ARFGEF3: variants seen among roughly 807,000 people sequenced by gnomAD.
The protein encoded by ARFGEF3 is ARFGEF family member 3.
ARFGEF3 carries 96 observed loss-of-function variants against 221.7 expected under a neutral mutation model. That is an observed-to-expected ratio of 0.43 (90% confidence interval 0.37 to 0.51). ARFGEF3 has a LOEUF of 0.51. Ranked by LOEUF, ARFGEF3 falls within the 20% of genes least tolerant of loss-of-function variation. The probability of loss-of-function intolerance (pLI) is 0.00; values close to 1 mark genes in which losing one functional copy is unlikely to be tolerated. For synonymous variants in ARFGEF3, 1,145 were observed against 1,126.8 expected, an observed-to-expected ratio of 1.02 and a Z score of -0.32; for missense variants, 2,410 against 2,789.9, an observed-to-expected ratio of 0.86 and a Z score of 3.07.
In ARFGEF3 at chr6:138,305,400, A is replaced by G. The variant is rs960011761; in HGVS notation, c.3829-1853A>G. ...AGGTTTGCTTGAGTCTAGGAGTTCG[A>G]GACCATGCCAGGCAACACAGTGAGA... is the stretch of plus-strand genomic sequence containing the variant. On this transcript the variant is annotated intron_variant, in intron 22 of 33. Transcript: ENST00000251691. Among the ~76,000 whole-genome samples the G allele has an allele frequency of 2.0e-5, 3 of 152,086 alleles. No homozygotes were observed. The East Asian group carries it at 5.8e-4, about 29-fold the overall frequency.
Position 138,263,038 on chromosome 6 carries a change from G to C in ARFGEF3, c.1555G>C (p.Glu519Gln). 2 of 1,611,218 alleles carry C rather than the reference G, an allele frequency of 1.2e-6. No individual in the cohort carries two copies. Among genetic ancestry groups the C allele is most frequent in the Non-Finnish European group, 1.7e-6 (2 of 1,178,744 alleles). Residue 519 changes from glutamate to glutamine, a missense_variant, in exon 12 of 34, where the codon GAG (glutamate) becomes CAG (glutamine). Physicochemically the swap from Glu to Gln is conservative, Grantham distance 29. This residue lies in a region of ARFGEF3 where 594 missense variants were observed against 734.3 expected (regional missense o/e 0.81). Transcript: ENST00000251691. Reference protein sequence around the residue: ...TDTGQTTLEGELGQTTPEDHS... With the variant: ...TDTGQTTLEGQLGQTTPEDHS... ...CACAGGCCAGACCACTCTCGAGGGA[G>C]AGTTGGGTCAGACTACACCCGAGGA... is the stretch of plus-strand genomic sequence containing the variant.
At position 138,263,574 on chromosome 6, in the gene ARFGEF3, C is replaced by T. The variant is rs1198315090; in HGVS notation, c.2091C>T (p.Asp697=). The change falls in exon 12 of 34, where the codon GAC becomes GAT. Residue 697 remains aspartate (D), a synonymous_variant. Coordinates refer to ENST00000251691, the MANE Select transcript of ARFGEF3 (RefSeq NM_020340.5). ...LLSLSNVEEV[D]TALQNFASTF... is the part of the protein sequence containing the mutation. ...CTCTCTCCAATGTAGAGGAGGTGGA[C>T]ACCGCTCTGCAGAACTTTGCCTCTA... is the stretch of plus-strand genomic sequence containing the variant. 1.9e-6 allele frequency: 3 copies of T among 1,609,702 alleles called. No individual in the cohort carries two copies. The highest frequency in any genetic ancestry group is 1.3e-5 in the African/African-American group (1 of 75,028).
chr6:138,259,033 G>A (rs189113732), intron 10 of ARFGEF3, among the ~76,000 whole-genome samples: 3 of 152,314 alleles, frequency 2.0e-5, no homozygotes, highest in South Asian at 2.1e-4. Flanking sequence ...GATGAGGCTC[G>A]AATTTGATGG....
intron 14 of ARFGEF3, among the ~76,000 whole-genome samples, chr6:138,281,076 A>G (rs1390751545): frequency 6.6e-6 from 1 of 152,184 alleles, no homozygotes; most frequent in African/African-American, 2.4e-5. Flanking sequence ...GTAAAGGATG[A>G]CAAAGGTGTT....
Position 138,177,016 on chromosome 6 carries a change from G to A in ARFGEF3, c.137+6303G>A, listed in dbSNP as rs988296196. 9.9e-5 allele frequency among the ~76,000 whole-genome samples: 15 copies of A among 151,634 alleles called. 1 individual carries two copies. Among genetic ancestry groups the A allele is most frequent in the Admixed American group, 2.6e-4 (4 of 15,240 alleles). ...ATGGGGTTTTCTTTATAGGTGACTA[G>A]ATGCTTTTCTCTTGCTGATTTTAAA... On this transcript the variant is annotated intron_variant, in intron 2 of 33. Coordinates refer to ENST00000251691, the MANE Select transcript of ARFGEF3 (RefSeq NM_020340.5).
intron 8 of ARFGEF3, among the ~76,000 whole-genome samples, chr6:138,248,382 C>T (rs1778523198): frequency 6.6e-6 from 1 of 152,132 alleles, no homozygotes; most frequent in Non-Finnish European, 1.5e-5. Flanking sequence ...TTCTCCCTTA[C>T]CCCTGCTCCA....
intron 4 of ARFGEF3, among the ~76,000 whole-genome samples, chr6:138,210,986 C>T (rs1012457347): frequency 6.6e-6 from 1 of 152,188 alleles, no homozygotes; most frequent in Admixed American, 6.5e-5. Flanking sequence ...TGATTAAGAG[C>T]TCAAACTCTG....
chr6:138,214,465 A>G (rs1034414937), intron 4 of ARFGEF3, among the ~76,000 whole-genome samples: 4 of 152,246 alleles, frequency 2.6e-5, no homozygotes, highest in Non-Finnish European at 4.4e-5. Context: ...CAGGAGGGAT[A>G]AGGCCACACC....
chr6:138,242,992 A>G lies in ARFGEF3; in HGVS notation c.584A>G (p.Gln195Arg). 1 of 1,611,560 alleles carries G rather than the reference A, an allele frequency of 6.2e-7. No individual in the cohort carries two copies. The highest frequency in any genetic ancestry group is 8.5e-7 in the Non-Finnish European group (1 of 1,178,250). The change falls in exon 7 of 34, where the codon CAA becomes CGA. Residue 195 changes from glutamine to arginine, a missense_variant and splice_region_variant. Transcript: ENST00000251691. ...GATGTCCCACAGGATTTCGGGAATC[A>G]AGGTATGGCATTTGATTTGTACTAG... ...NPDVPQDFGN[Q>R]GSTVESLCDD...
intron 4 of ARFGEF3, chr6:138,218,122 C>G (rs756876603): frequency 1.2e-6 from 2 of 1,613,792 alleles, no homozygotes; most frequent in African/African-American, 1.3e-5. Flanking sequence ...ATTGAGGAAC[C>G]TTTCATGGTC....
chr6:138,174,535 C>T (rs1317551309), intron 2 of ARFGEF3, among the ~76,000 whole-genome samples: 1 of 128,172 alleles, frequency 7.8e-6, no homozygotes, highest in Admixed American at 8.7e-5. Flanking sequence ...TTTGTCTGCT[C>T]ATTGAGGAGA....
chr6:138,206,122 G>C (rs9494963), intron 2 of ARFGEF3, among the ~76,000 whole-genome samples: 3,981 of 152,270 alleles, frequency 0.026, 151 homozygotes, highest in African/African-American at 0.09. Flanking sequence ...TGGTTTAAGT[G>C]GGGGTGGAGA....
chr6:138,165,410 G>A (rs1359840165), intron 1 of ARFGEF3, among the ~76,000 whole-genome samples: 2 of 151,564 alleles, frequency 1.3e-5, no homozygotes, highest in African/African-American at 2.4e-5. Flanking sequence ...ACCATCATGG[G>A]AGAGAGGGGT....
intron 25 of ARFGEF3, among the ~76,000 whole-genome samples, chr6:138,311,752 T>G (rs985942290): frequency 5.3e-5 from 8 of 152,182 alleles, no homozygotes; most frequent in African/African-American, 1.9e-4. Context: ...TCCCTCACGC[T>G]CAGATGCCTG....
intron 2 of ARFGEF3, among the ~76,000 whole-genome samples, chr6:138,173,123 T>G (rs965813890): frequency 2.0e-5 from 3 of 152,110 alleles, no homozygotes; most frequent in Admixed American, 6.6e-5. Flanking sequence ...CAATACAGCA[T>G]TATTTTACTG....
intron 22 of ARFGEF3, among the ~76,000 whole-genome samples, chr6:138,305,808 C>A (rs1045292813): frequency 3.3e-5 from 5 of 152,024 alleles, no homozygotes; most frequent in African/African-American, 1.2e-4. Context: ...AATTCATCAC[C>A]CATTTTTGAC....
In ARFGEF3 at chr6:138,333,308, G is replaced by A. The variant is rs372189064; in HGVS notation, c.5124-662G>A. 3.3e-4 allele frequency among the ~76,000 whole-genome samples: 51 copies of A among 152,260 alleles called. 1 individual carries two copies. The South Asian group carries it at 0.011, about 32-fold the overall frequency. Reference sequence around the variant, plus strand: ...AATAGGAAAACCCAAAATATATTCTGTGTCCCCAAGGGCAAAAAGACTTCC... The same window carrying A: ...AATAGGAAAACCCAAAATATATTCTATGTCCCCAAGGGCAAAAAGACTTCC... On this transcript the variant is annotated intron_variant, in intron 32 of 33. Transcript: ENST00000251691.
intron 2 of ARFGEF3, among the ~76,000 whole-genome samples, chr6:138,188,474 TA>T (rs71708697): frequency 0.044 from 6,564 of 149,952 alleles, 429 homozygotes; most frequent in African/African-American, 0.15. Context: ...TTCAGTGTGT[TA>T]AAAAAAAAAT....
At chr6:138,260,429 G>A (rs1034332113) in intron 10 of ARFGEF3, among the ~76,000 whole-genome samples, 1 of 152,114 alleles carries the variant, frequency 6.6e-6, no homozygotes, top group Admixed American at 6.5e-5. Context: ...AATCAATTTA[G>A]CCTCAACTTG....
Sources: allele counts gnomAD v4.1 joint callset (sites outside exome capture counted in the v4.1 genomes callset), GRCh38; gene constraint gnomAD v4.1.1; regional missense constraint gnomAD v4.1.1; transcripts MANE v1.5; gene names NCBI Gene and HGNC (gene_info 2026-07-23, HGNC 2026-07-21).